Variants in DHX15 observed in about 807,000 individuals in gnomAD.
DHX15 encodes the protein ATP-dependent RNA helicase DHX15.
In DHX15, 11 loss-of-function variants were observed where a neutral mutation model predicts 94.4. The ratio of observed to expected loss-of-function variants is 0.12; its 90% CI spans 0.07 to 0.19. The LOEUF (loss-of-function observed/expected upper bound fraction) is 0.19, where lower values mean the gene tolerates loss of function less well. Among genes scored for constraint, DHX15 ranks in the 10% least tolerant of loss-of-function variants. The pLI is 1.00. For synonymous variants in DHX15, 338 were observed against 329.9 expected, an observed-to-expected ratio of 1.02 and a Z score of -0.27; for missense variants, 304 against 988.5, an observed-to-expected ratio of 0.31 and a Z score of 9.29.
chr4:24,572,887 T>C lies in DHX15; in HGVS notation c.508-2040A>G, dbSNP rs374465147. ...GGTCCTGAAATATGTAGGCTACTGG[T>C]GTATTCAAGCCAGGGATCCGGCTTT... On this transcript the variant is annotated intron_variant, in intron 2 of 13. Transcript: ENST00000336812. 3.9e-5 allele frequency among the ~76,000 whole-genome samples: 6 copies of C among 152,070 alleles called. No homozygotes were observed. The East Asian group carries it at 7.7e-4, about 20-fold the overall frequency.
intron 2 of DHX15, 101 bp from the exon 3 acceptor site, chr4:24,570,948 T>C: frequency 1.7e-6 from 2 of 1,195,346 alleles, no homozygotes; most frequent in South Asian, 3.0e-5. Context: ...TAAAACCAAA[T>C]CCAATTAGGC....
At chr4:24,561,752 C>T (rs1721876376) in intron 3 of DHX15, among the ~76,000 whole-genome samples, 1 of 151,994 alleles carries the variant, frequency 6.6e-6, no homozygotes, top group Non-Finnish European at 1.5e-5. Flanking sequence ...TAAATATGCA[C>T]ACAAAGAAAG....
At chr4:24,551,440 AAATT>A (rs1397095411) in intron 5 of DHX15, among the ~76,000 whole-genome samples, 1 of 152,168 alleles carries the variant, frequency 6.6e-6, no homozygotes, top group East Asian at 1.9e-4. Flanking sequence ...AAGAACAAAT[AAATT>A]ACTTTTCACT....
intron 5 of DHX15, among the ~76,000 whole-genome samples, chr4:24,553,143 A>T (rs903611749): frequency 1.3e-5 from 2 of 151,872 alleles, no homozygotes; most frequent in Non-Finnish European, 2.9e-5. Flanking sequence ...ACCAACACGG[A>T]GAAACCCCAT....
At chr4:24,560,380 AC>A (rs1368413640) in intron 3 of DHX15, among the ~76,000 whole-genome samples, 3 of 152,134 alleles carry the variant, frequency 2.0e-5, no homozygotes, top group Non-Finnish European at 4.4e-5. Context: ...AATGTTTAAA[AC>A]AAAAACAAAA....
chr4:24,554,992 A>G lies in DHX15; in HGVS notation c.862-49T>C, dbSNP rs764769232. ...TGAAGCTGTCTTCAAGGATTCTTAC[A>G]TGGTCTTACAGTATAGCAATATTTA... is the stretch of plus-strand genomic sequence containing the variant. On this transcript the variant is annotated intron_variant, in intron 4 of 13. Coordinates refer to ENST00000336812, the MANE Select transcript of DHX15 (RefSeq NM_001358.3). 4.1e-6 allele frequency: 6 copies of G among 1,447,096 alleles called. No individual in the cohort carries two copies. The South Asian group carries it at 5.8e-5, about 14-fold the overall frequency. 89.6% of individuals were successfully genotyped at this position (1,447,096 alleles called of 1,614,324 possible). A position where few individuals can be genotyped will look rare whatever the true frequency, so the allele number is the denominator to read the frequency against.
chr4:24,567,535 C>T (rs1301888391), intron 3 of DHX15, among the ~76,000 whole-genome samples: 1 of 151,660 alleles, frequency 6.6e-6, no homozygotes, highest in Non-Finnish European at 1.5e-5. Flanking sequence ...CGAGATCGTG[C>T]CACTGCACTC....
At chr4:24,547,936 T>C (rs1272194253) in intron 6 of DHX15, among the ~76,000 whole-genome samples, 11 of 39,064 alleles carry the variant, frequency 2.8e-4, no homozygotes, top group African/African-American at 1.3e-3. Context: ...TATATATATA[T>C]ATATATCTAT....
chr4:24,556,218 A>T, intron 4 of DHX15, 33 bp downstream of exon 4: 2 of 1,600,740 alleles, frequency 1.2e-6, no homozygotes, highest in Non-Finnish European at 1.7e-6. Context: ...ATACACACAT[A>T]TATAGTTAAA....
intron 13 of DHX15, 61 bp from the exon 14 acceptor site, chr4:24,528,102 TA>T: frequency 1.7e-6 from 2 of 1,143,554 alleles, no homozygotes; most frequent in South Asian, 2.5e-5. Flanking sequence ...CTGGAGTTGT[TA>T]ATAGGATAGG....
rs1721697644 is a variant in DHX15 at position 24,555,030 on chromosome 4, T to C, written c.862-87A>G. The stretch of plus-strand genomic sequence containing the variant: ...ATAGCAATATTTACTATTCTACATA[T>C]ATCAGCTATAAAAATGCCCATGAAA... On this transcript the variant is annotated intron_variant, in intron 4 of 13. Coordinates refer to ENST00000336812, the MANE Select transcript of DHX15 (RefSeq NM_001358.3). The C allele has an allele frequency of 4.1e-6, 4 of 964,066 alleles. No homozygotes were observed. In the African/African-American group the frequency reaches 6.6e-5, roughly 16 times the overall value. The allele number at this position is 964,066 out of a possible 1,614,324, so 59.7% of individuals were successfully genotyped here.
intron 1 of DHX15, among the ~76,000 whole-genome samples, chr4:24,577,240 C>T (rs1722288370): frequency 1.3e-5 from 2 of 152,206 alleles, no homozygotes; most frequent in South Asian, 4.2e-4. Context: ...TGCCATAGGA[C>T]GATGTTCGGT....
intron 8 of DHX15, 54 bp downstream of exon 8, chr4:24,541,819 A>G (rs1721319430): frequency 2.0e-6 from 3 of 1,470,748 alleles, no homozygotes; most frequent in African/African-American, 1.4e-5. Flanking sequence ...TTCTGGTAAG[A>G]TAATTCAACC....
intron 1 of DHX15, among the ~76,000 whole-genome samples, chr4:24,580,371 C>T (rs1229313594): frequency 1.3e-5 from 2 of 152,108 alleles, no homozygotes; most frequent in African/African-American, 4.8e-5. Flanking sequence ...CACACCAGTG[C>T]ACTCCAGCCT....
intron 5 of DHX15, among the ~76,000 whole-genome samples, chr4:24,552,063 G>T (rs903960167): frequency 2.0e-5 from 3 of 152,140 alleles, no homozygotes; most frequent in Non-Finnish European, 4.4e-5. Context: ...TTTAAAACTT[G>T]CAATAAAAAT....
rs1560766026 is a variant in DHX15 at position 24,547,947 on chromosome 4, ATCTATATC to A, written c.1248+900_1248+907del. Among the ~76,000 whole-genome samples, 73 of 29,662 alleles carry A rather than the reference ATCTATATC, an allele frequency of 2.5e-3. 1 individual carries two copies. Among genetic ancestry groups the A allele is most frequent in the African/African-American group, 0.015 (71 of 4,718 alleles). The allele number at this position is 29,662 out of a possible 152,430, so 19.5% of individuals were successfully genotyped here. ...TATATATATATATATATATATCTAT[ATCTATATC>A]TATATCTATCTGCTGATGGGGACTA... On this transcript the variant is annotated intron_variant, in intron 6 of 13. Coordinates refer to ENST00000336812, the MANE Select transcript of DHX15 (RefSeq NM_001358.3).
chr4:24,546,236 T>C (rs937788249), intron 6 of DHX15, among the ~76,000 whole-genome samples: 1 of 152,172 alleles, frequency 6.6e-6, no homozygotes, highest in Non-Finnish European at 1.5e-5. Context: ...CCTGGATCAT[T>C]AAGTCTTTCT....
chr4:24,542,994 A>C lies in DHX15; in HGVS notation c.1281T>G (p.Ser427=), dbSNP rs1345538680. 8.1e-6 allele frequency: 13 copies of C among 1,612,750 alleles called. No individual in the cohort carries two copies. The highest frequency in any genetic ancestry group is 1.0e-5 in the Non-Finnish European group (12 of 1,179,120). Residue 427 remains serine (S), a synonymous_variant, in exon 7 of 14, where the codon TCT becomes TCG. Coordinates refer to ENST00000336812, the MANE Select transcript of DHX15 (RefSeq NM_001358.3). ...VVVSTNIAET[S]LTIDGVVFVI... ...CAAACACCACACCATCTATTGTCAA[A>C]GACGTCTCTGCTATGTTAGTTGACA...
chr4:24,547,905 A>ATG (rs1560765729), intron 6 of DHX15, among the ~76,000 whole-genome samples: 13 of 7,314 alleles, frequency 1.8e-3, no homozygotes, highest in African/African-American at 3.3e-3. Flanking sequence ...ATGTATGTGT[A>ATG]TATATATATA....
Sources: gnomAD v4.1 joint callset for allele counts (sites outside exome capture counted in the v4.1 genomes callset) on GRCh38, gnomAD v4.1.1 for gene constraint, MANE v1.5 for transcripts, NCBI Gene and HGNC (gene_info 2026-07-23, HGNC 2026-07-21) for gene names.